Variants in MRS2 observed in about 807,000 individuals in gnomAD.
MRS2 encodes the protein magnesium transporter MRS2.
A neutral mutation model predicts 52.6 loss-of-function variants in MRS2; 40 were observed. The ratio of observed to expected loss-of-function variants is 0.76; its 90% CI spans 0.59 to 0.99. The LOEUF (loss-of-function observed/expected upper bound fraction) is 0.99. MRS2 is among the 50% of genes least tolerant of loss of function. The pLI is 0.00. For missense variants in MRS2, 472 were observed against 532.7 expected (o/e 0.89, Z 1.12); for synonymous variants, 193 against 195.9 (o/e 0.98, Z 0.13).
chr6:24,414,754 C>T (rs917541751), intron 5 of MRS2, among the ~76,000 whole-genome samples: 4 of 152,152 alleles, frequency 2.6e-5, no homozygotes, highest in Non-Finnish European at 4.4e-5. Context: ...ACCTCCCGGA[C>T]GGGGCGGCTG....
Position 24,410,664 on chromosome 6 carries a change from A to G in MRS2, c.414+1091A>G, listed in dbSNP as rs984074036. 8.6e-6 allele frequency: 11 copies of G among 1,272,942 alleles called. No homozygotes were observed. In the African/African-American group the frequency reaches 1.2e-4, roughly 14 times the overall value. 78.9% of individuals were successfully genotyped at this position (1,272,942 alleles called of 1,614,324 possible). On this transcript the variant is annotated intron_variant, in intron 4 of 10. Coordinates refer to ENST00000378386, the MANE Select transcript of MRS2 (RefSeq NM_020662.4). ...AGCAAGATCCCATCTCTAAAAATAA[A>G]TAAGTAAATAAAAAATACTTTATCA...
chr6:24,410,530 T>TA (rs1761615081), intron 4 of MRS2, among the ~76,000 whole-genome samples: 2 of 152,100 alleles, frequency 1.3e-5, no homozygotes, highest in Admixed American at 6.5e-5. Flanking sequence ...ATCAAAATAA[T>TA]AAAAAATGGG....
intron 9 of MRS2, among the ~76,000 whole-genome samples, chr6:24,422,048 G>A (rs918731160): frequency 1.3e-5 from 2 of 152,122 alleles, no homozygotes; most frequent in Non-Finnish European, 2.9e-5. Context: ...ACTCAGGGGG[G>A]CCGAGGCACA....
chr6:24,423,641 A>T lies in MRS2; in HGVS notation c.1279A>T (p.Ser427Cys). The change falls in exon 11 of 11, where the codon AGC (serine) becomes TGC (cysteine). Residue 427 changes from serine (S) to cysteine (C), a missense_variant. Coordinates refer to ENST00000378386, the MANE Select transcript of MRS2 (RefSeq NM_020662.4). ...LADRSMELKN[S>C]LRLDGLGSGR... Reference sequence around the variant, plus strand: ...AGATAGAAGCATGGAATTGAAAAATAGCCTCAGACTGGATGGACTTGGATC... The same window carrying T: ...AGATAGAAGCATGGAATTGAAAAATTGCCTCAGACTGGATGGACTTGGATC... 6.2e-7 allele frequency: 1 copy of T among 1,613,210 alleles called. No individual in the cohort carries two copies. Among genetic ancestry groups the T allele is most frequent in the Non-Finnish European group, 8.5e-7 (1 of 1,179,312 alleles).
At chr6:24,408,698 G>T (rs1464155432) in intron 3 of MRS2, among the ~76,000 whole-genome samples, 1 of 152,184 alleles carries the variant, frequency 6.6e-6, no homozygotes, top group Non-Finnish European at 1.5e-5. Context: ...ATATTTGGGA[G>T]AGCAGAGGCT....
At position 24,425,301 on chromosome 6, in the gene MRS2, T is replaced by G. The variant is rs1244415911; in HGVS notation, c.*1607T>G. ...CCCAGAGGGCAACATTTGATTTGAC[T>G]AAGATCAGGCATAAGATAGAATTTT... On this transcript the variant is annotated 3_prime_UTR_variant, in exon 11 of 11. Transcript: ENST00000378386. The G allele has an allele frequency of 2.6e-5, 4 of 152,222 alleles. No individual in the cohort carries two copies. The East Asian group carries it at 5.8e-4, about 22-fold the overall frequency. The allele number at this position is 152,222 out of a possible 1,614,324, so 9.4% of individuals were successfully genotyped here.
intron 2 of MRS2, among the ~76,000 whole-genome samples, chr6:24,405,723 G>GT: frequency 6.7e-6 from 1 of 150,014 alleles, no homozygotes; most frequent in South Asian, 2.1e-4. Flanking sequence ...GTGACTCTAG[G>GT]TGAAAGCTCT....
At chr6:24,415,248 T>A in intron 6 of MRS2, 85 bp downstream of exon 6, 1 of 1,424,158 alleles carries the variant, frequency 7.0e-7, no homozygotes, top group Non-Finnish European at 9.5e-7. Context: ...TAACTTTTTT[T>A]AAAGTATGAA....
At chr6:24,411,727 C>T (rs531524146) in intron 4 of MRS2, among the ~76,000 whole-genome samples, 3 of 152,080 alleles carry the variant, frequency 2.0e-5, no homozygotes, top group East Asian at 1.9e-4. Context: ...TTAGTAGAGA[C>T]GGGGTTTCAC....
chr6:24,417,976 C>T (rs1175596471), intron 7 of MRS2, 108 bp from the exon 8 acceptor site: 1 of 841,448 alleles, frequency 1.2e-6, no homozygotes, highest in Non-Finnish European at 1.8e-6. Flanking sequence ...CAAAGGCTAG[C>T]TTTTCCACTG....
intron 10 of MRS2, 172 bp downstream of exon 10, chr6:24,423,222 G>A: frequency 1.7e-6 from 1 of 578,186 alleles, no homozygotes; most frequent in Non-Finnish European, 3.1e-6. Context: ...CTGCTTCATA[G>A]GGTTATGGGA....
rs1762145305 is a variant in MRS2, at chr6:24,424,008, G to A, written c.*314G>A. 1 of 168,528 alleles carries A rather than the reference G, an allele frequency of 5.9e-6. No individual in the cohort carries two copies. 10.4% of individuals were successfully genotyped at this position (168,528 alleles called of 1,614,324 possible). A position where few individuals can be genotyped will look rare whatever the true frequency, so the allele number is the denominator to read the frequency against. On this transcript the variant is annotated 3_prime_UTR_variant, in exon 11 of 11. Coordinates refer to ENST00000378386, the MANE Select transcript of MRS2 (RefSeq NM_020662.4). ...TTTTAATTTATACATATCAAGAAAA[G>A]TGCAATTTCATGCTGAATGAAGCGT...
chr6:24,410,581 G>C (rs930085386), intron 4 of MRS2: 25 of 536,936 alleles, frequency 4.7e-5, no homozygotes, highest in African/African-American at 3.9e-4. Context: ...AGCTACTCAG[G>C]AGGCTGAAGT....
At position 24,412,324 on chromosome 6, in the gene MRS2, G is replaced by A. The variant is rs1761694099; in HGVS notation, c.517G>A (p.Gly173Arg). ...LFRELPSQLS[G>R]EGQLVTYPLP... ...CCGGGAACTCCCTTCACAGTTGTCT[G>A]GAGAGGGTCAACTCGTTACATACCC... is the stretch of plus-strand genomic sequence containing the variant. Residue 173 changes from glycine to arginine, a missense_variant, in exon 5 of 11, where the codon GGA becomes AGA. By Grantham distance (125) the Gly-to-Arg change is moderately radical. Coordinates refer to ENST00000378386, the MANE Select transcript of MRS2 (RefSeq NM_020662.4). 1.3e-6 allele frequency: 2 copies of A among 1,599,898 alleles called. No homozygotes were observed. Among genetic ancestry groups the A allele is most frequent in the Non-Finnish European group, 1.7e-6 (2 of 1,173,308 alleles).
intron 4 of MRS2, among the ~76,000 whole-genome samples, chr6:24,411,759 G>C (rs928397268): frequency 3.3e-5 from 5 of 151,870 alleles, no homozygotes; most frequent in Admixed American, 6.6e-5. Flanking sequence ...GGATGGTCTC[G>C]ATCTCTTGAC....
Position 24,408,431 on chromosome 6 carries a change from C to T in MRS2, c.288C>T (p.Asn96=), listed in dbSNP as rs34309809. The T allele has an allele frequency of 2.8e-4, 436 of 1,583,428 alleles. 1 individual carries two copies. The highest frequency in any genetic ancestry group is 1.3e-3 in the African/African-American group (97 of 74,274). ...AGACAAAATTTGACAAACAGGGAAACGTTACTTCTTTTGGTGAGTGATTAG... is the reference window on the plus strand; with the variant it reads ...AGACAAAATTTGACAAACAGGGAAATGTTACTTCTTTTGGTGAGTGATTAG... ...FTVTKFDKQG[N]VTSFERKKTE... Residue 96 remains asparagine (N), a synonymous_variant, in exon 3 of 11, where the codon AAC becomes AAT. Coordinates refer to ENST00000378386, the MANE Select transcript of MRS2 (RefSeq NM_020662.4).
intron 4 of MRS2, among the ~76,000 whole-genome samples, chr6:24,411,308 C>T (rs1761642153): frequency 1.3e-5 from 2 of 151,794 alleles, no homozygotes; most frequent in South Asian, 4.1e-4. Context: ...TTTTAACATA[C>T]AAGATAACCA....
chr6:24,411,088 G>A (rs1221988081), intron 4 of MRS2, among the ~76,000 whole-genome samples: 1 of 151,858 alleles, frequency 6.6e-6, no homozygotes, highest in Non-Finnish European at 1.5e-5. Context: ...TACTCAGGAG[G>A]CTGAGGTAGG....
intron 4 of MRS2, among the ~76,000 whole-genome samples, chr6:24,411,491 A>G (rs1761647359): frequency 1.3e-5 from 2 of 152,190 alleles, no homozygotes; most frequent in African/African-American, 4.8e-5. Flanking sequence ...AGTCTGCTCA[A>G]TACCTGACTT....
Sources: gnomAD v4.1 joint callset for allele counts (sites outside exome capture counted in the v4.1 genomes callset) on GRCh38, gnomAD v4.1.1 for gene constraint, MANE v1.5 for transcripts, NCBI Gene and HGNC (gene_info 2026-07-23, HGNC 2026-07-21) for gene names.